FARS2: variants seen among roughly 807,000 people sequenced by gnomAD.
The protein encoded by FARS2 is phenylalanine--tRNA ligase, mitochondrial.
A neutral mutation model predicts 46.4 loss-of-function variants in FARS2; 40 were observed. The ratio of observed to expected loss-of-function variants is 0.86; its 90% CI spans 0.67 to 1.12. The LOEUF (loss-of-function observed/expected upper bound fraction) is 1.12, where lower values mean the gene tolerates loss of function less well. Ranked by LOEUF, FARS2 falls within the 50% of genes most tolerant of loss-of-function variation. FARS2 has a pLI of 0.00. For synonymous variants in FARS2, 234 were observed against 214.9 expected (o/e 1.09, Z -0.78); for missense variants, 513 against 567.9 (o/e 0.90, Z 0.98).
intron 1 of FARS2, among the ~76,000 whole-genome samples, chr6:5,325,657 A>C (rs1770318755): frequency 1.3e-5 from 2 of 152,252 alleles, no homozygotes; most frequent in Non-Finnish European, 2.9e-5. Flanking sequence ...GCCATGAAAA[A>C]ATGGTGTACT....
At chr6:5,547,681 G>A (rs1324456124) in intron 5 of FARS2, among the ~76,000 whole-genome samples, 1 of 152,198 alleles carries the variant, frequency 6.6e-6, no homozygotes, top group Non-Finnish European at 1.5e-5. Flanking sequence ...AGAATTGGCT[G>A]GCAGTGAGGG....
At chr6:5,277,060 C>T (rs1398055391) in intron 1 of FARS2, among the ~76,000 whole-genome samples, 1 of 152,184 alleles carries the variant, frequency 6.6e-6, no homozygotes, top group Non-Finnish European at 1.5e-5. Flanking sequence ...CAAATAGAAG[C>T]TGCTCTGTGA....
At chr6:5,305,977 C>CT (rs769240011) in intron 1 of FARS2, among the ~76,000 whole-genome samples, 42 of 152,114 alleles carry the variant, frequency 2.8e-4, no homozygotes, top group African/African-American at 8.5e-4. Context: ...GGAATATAAC[C>CT]TTTTTTTCAT....
rs186470631 is a variant in FARS2 at position 5,520,616 on chromosome 6, G to A, written c.905-24564G>A. 1.2e-3 allele frequency among the ~76,000 whole-genome samples: 184 copies of A among 152,254 alleles called. 2 individuals carry two copies. Among genetic ancestry groups the A allele is most frequent in the African/African-American group, 4.1e-3 (172 of 41,558 alleles). On this transcript the variant is annotated intron_variant, in intron 4 of 6. Transcript: ENST00000274680. The stretch of plus-strand genomic sequence containing the variant: ...CTACCCTCCTTCCTCTGTCATCAGC[G>A]CATGGAAGTCTTGTTTGACTACCTT...
At chr6:5,583,476 T>C (rs530475342) in intron 5 of FARS2, among the ~76,000 whole-genome samples, 47 of 152,346 alleles carry the variant, frequency 3.1e-4, no homozygotes, top group African/African-American at 1.1e-3. Flanking sequence ...CAGCTTAAAA[T>C]CTTCCAGAGA....
At chr6:5,346,213 A>G (rs1468817164) in intron 1 of FARS2, among the ~76,000 whole-genome samples, 1 of 152,210 alleles carries the variant, frequency 6.6e-6, no homozygotes, top group Non-Finnish European at 1.5e-5. Context: ...ATCATATGAA[A>G]AACCACTCTG....
intron 1 of FARS2, among the ~76,000 whole-genome samples, chr6:5,271,775 C>G (rs963066774): frequency 6.6e-6 from 1 of 152,100 alleles, no homozygotes; most frequent in Non-Finnish European, 1.5e-5. Context: ...ATTGGCCAGG[C>G]TGGTCTTGAA....
intron 1 of FARS2, among the ~76,000 whole-genome samples, chr6:5,334,594 T>A (rs1049721230): frequency 6.6e-6 from 1 of 152,178 alleles, no homozygotes; most frequent in African/African-American, 2.4e-5. Context: ...GAGTATTAAT[T>A]CTTACCAGAC....
chr6:5,387,586 T>C (rs962189845), intron 2 of FARS2, among the ~76,000 whole-genome samples: 1 of 152,242 alleles, frequency 6.6e-6, no homozygotes, highest in East Asian at 1.9e-4. Context: ...GCTAATACTT[T>C]CTTCTCCAAA....
At chr6:5,666,774 G>A (rs370651271) in intron 6 of FARS2, among the ~76,000 whole-genome samples, 2 of 152,278 alleles carry the variant, frequency 1.3e-5, no homozygotes, top group South Asian at 2.1e-4. Context: ...ACATGCACAT[G>A]TGTATTCGTT....
At chr6:5,744,753 G>A (rs373078949) in intron 6 of FARS2, among the ~76,000 whole-genome samples, 91 of 152,334 alleles carry the variant, frequency 6.0e-4, no homozygotes, top group African/African-American at 2.2e-3. Context: ...GGGCAGTCCC[G>A]TGATTGGCGC....
At chr6:5,393,757 G>A (rs1387902497) in intron 2 of FARS2, among the ~76,000 whole-genome samples, 4 of 152,194 alleles carry the variant, frequency 2.6e-5, no homozygotes, top group Non-Finnish European at 5.9e-5. Context: ...TTTGGAGAAA[G>A]GCACCCTTTT....
chr6:5,763,662 T>A (rs1762600497), intron 6 of FARS2, among the ~76,000 whole-genome samples: 2 of 152,044 alleles, frequency 1.3e-5, no homozygotes, highest in African/African-American at 4.8e-5. Context: ...CCTCCAGGCC[T>A]GTGTCCTCTT....
chr6:5,661,264 G>A (rs543697216), intron 6 of FARS2, among the ~76,000 whole-genome samples: 4 of 152,236 alleles, frequency 2.6e-5, no homozygotes, highest in South Asian at 2.1e-4. Flanking sequence ...GTTTGAACAC[G>A]TTTGCCTTGA....
At chr6:5,487,399 C>T (rs138402617) in intron 4 of FARS2, among the ~76,000 whole-genome samples, 59 of 152,322 alleles carry the variant, frequency 3.9e-4, no homozygotes, top group African/African-American at 1.3e-3. Context: ...AACCAACCAG[C>T]ACTACAATTC....
chr6:5,760,705 G>A (rs991212944), intron 6 of FARS2, among the ~76,000 whole-genome samples: 1 of 152,162 alleles, frequency 6.6e-6, no homozygotes, highest in East Asian at 1.9e-4. Flanking sequence ...AGCTATTTGC[G>A]ATTCCTTGGA....
At chr6:5,272,413 A>G (rs1184456397) in intron 1 of FARS2, 1 of 152,186 alleles carries the variant, frequency 6.6e-6, no homozygotes, top group Non-Finnish European at 1.5e-5. Context: ...TGCGGAAATG[A>G]TATCACGAAC....
intron 1 of FARS2, among the ~76,000 whole-genome samples, chr6:5,321,282 A>G (rs147448670): frequency 3.3e-5 from 5 of 152,282 alleles, no homozygotes; most frequent in African/African-American, 7.2e-5. Context: ...CTAAAATCCT[A>G]TGGGTAAAAA....
chr6:5,755,330 C>T (rs1762150613), intron 6 of FARS2, among the ~76,000 whole-genome samples: 1 of 150,302 alleles, frequency 6.7e-6, no homozygotes, highest in Non-Finnish European at 1.5e-5. Flanking sequence ...CTAATGCTAT[C>T]CCACCCCTAG....
Sources: gnomAD v4.1 joint callset for allele counts (sites outside exome capture counted in the v4.1 genomes callset) on GRCh38, gnomAD v4.1.1 for gene constraint, MANE v1.5 for transcripts, NCBI Gene and HGNC (gene_info 2026-07-23, HGNC 2026-07-21) for gene names.